Variants in ZNF614 observed in about 807,000 individuals in gnomAD.
ZNF614 encodes zinc finger protein 614.
ZNF614 carries 11 observed loss-of-function variants against 12.8 expected under a neutral mutation model. That is an observed-to-expected ratio of 0.86 (90% CI 0.54 to 1.43). The LOEUF is 1.43. ZNF614 is among the 40% of genes most tolerant of loss of function. ZNF614 has a pLI of 0.00. For missense variants in ZNF614, 664 were observed against 708.8 expected, an observed-to-expected ratio of 0.94 and a Z score of 0.72; for synonymous variants, 237 against 237.5, an observed-to-expected ratio of 1.00 and a Z score of 0.02.
intron 2 of ZNF614, among the ~76,000 whole-genome samples, chr19:52,020,356 T>C (rs1231512981): frequency 6.6e-6 from 1 of 152,208 alleles, no homozygotes; most frequent in Non-Finnish European, 1.5e-5. Context: ...AGCACTTTAC[T>C]ATTGCAAAAT....
At chr19:52,019,630 A>G (rs1451707970) in intron 2 of ZNF614, among the ~76,000 whole-genome samples, 1 of 152,264 alleles carries the variant, frequency 6.6e-6, no homozygotes, top group Non-Finnish European at 1.5e-5. Flanking sequence ...TTTCAATAAT[A>G]GAATCCAGAA....
In ZNF614 at chr19:52,015,881, T is replaced by C. The variant is rs1274041832; in HGVS notation, c.1717A>G (p.Asn573Asp). The C allele has an allele frequency of 6.2e-7, 1 of 1,613,870 alleles. No homozygotes were observed. Among genetic ancestry groups the C allele is most frequent in the Non-Finnish European group, 8.5e-7 (1 of 1,179,912 alleles). ...AGCTGTGACTCTCCATTACAGGAGT[T>C]TTCAACTTGACTGATTCTACCCATT... ...REMGRISQVE[N>D]SCNGESQLLP... The change falls in exon 5 of 5, where the codon AAC becomes GAC. Residue 573 changes from asparagine (N) to aspartate (D), a missense_variant. Physicochemically the swap from Asn to Asp is conservative, Grantham distance 23. Transcript: ENST00000270649.
chr19:52,022,591 A>C (rs2086939109), intron 2 of ZNF614, among the ~76,000 whole-genome samples: 1 of 150,452 alleles, frequency 6.6e-6, no homozygotes, highest in African/African-American at 2.4e-5. Flanking sequence ...GAGAATATAT[A>C]ATTTAAAAAA....
chr19:52,026,850 C>T (rs909372759), intron 1 of ZNF614, among the ~76,000 whole-genome samples: 9 of 152,180 alleles, frequency 5.9e-5, no homozygotes, highest in Non-Finnish European at 1.0e-4. Flanking sequence ...TGTTTGTGTG[C>T]GTGCACATCA....
At chr19:52,026,829 T>C (rs56091488) in intron 1 of ZNF614, among the ~76,000 whole-genome samples, 7,233 of 152,302 alleles carry the variant, frequency 0.047, 254 homozygotes, top group African/African-American at 0.095. Flanking sequence ...CTGCTCTTTA[T>C]TGTACCGAAA....
At position 52,015,174 on chromosome 19, in the gene ZNF614, C is replaced by T. The variant is rs565069148; in HGVS notation, c.*666G>A. ...AAAGCACTCAAATATTCATCATTTT[C>T]ACCACATTTCATGCCTTCATGAGCT... On this transcript the variant is annotated 3_prime_UTR_variant, in exon 5 of 5. Transcript: ENST00000270649. The T allele has an allele frequency of 1.0e-5, 1 of 98,698 alleles. No individual in the cohort carries two copies. The highest frequency in any genetic ancestry group is 3.3e-5 in the African/African-American group (1 of 30,032). The allele number at this position is 98,698 out of a possible 1,614,324, so 6.1% of individuals were successfully genotyped here. A position where few individuals can be genotyped will look rare whatever the true frequency, so the allele number is the denominator to read the frequency against.
chr19:52,022,231 G>A (rs769274654), intron 2 of ZNF614, among the ~76,000 whole-genome samples: 38 of 152,222 alleles, frequency 2.5e-4, no homozygotes, highest in Non-Finnish European at 4.7e-4. Flanking sequence ...CACTATCTTT[G>A]TCAGAATCCA....
At chr19:52,026,859 C>T (rs757431344) in intron 1 of ZNF614, among the ~76,000 whole-genome samples, 1 of 152,184 alleles carries the variant, frequency 6.6e-6, no homozygotes, top group Non-Finnish European at 1.5e-5. Flanking sequence ...GCGTGCACAT[C>T]AAGGCACAGC....
intron 2 of ZNF614, among the ~76,000 whole-genome samples, chr19:52,022,908 A>C (rs1047127776): frequency 4.0e-5 from 6 of 151,758 alleles, no homozygotes; most frequent in African/African-American, 1.5e-4. Flanking sequence ...ACAAACCTGA[A>C]GCTTGTTCAA....
chr19:52,022,714 A>G (rs1182124727), intron 2 of ZNF614, among the ~76,000 whole-genome samples: 1 of 152,128 alleles, frequency 6.6e-6, no homozygotes, highest in African/African-American at 2.4e-5. Context: ...CTCAGGTTTG[A>G]TAATTTACTA....
intron 2 of ZNF614, among the ~76,000 whole-genome samples, chr19:52,023,619 A>T (rs1222980585): frequency 6.6e-6 from 1 of 152,170 alleles, no homozygotes; most frequent in East Asian, 1.9e-4. Flanking sequence ...CCTTATGAAT[A>T]ACAAAAGACA....
At chr19:52,022,428 C>T (rs1399541199) in intron 2 of ZNF614, among the ~76,000 whole-genome samples, 1 of 152,126 alleles carries the variant, frequency 6.6e-6, no homozygotes, top group East Asian at 1.9e-4. Context: ...TCTGCCTGGC[C>T]CCCGCAACGT....
Position 52,016,123 on chromosome 19 carries a change from T to G in ZNF614, c.1475A>C (p.Tyr492Ser). ...PFVCTECGKS[Y>S]SHKYGLITHQ... ...GGTAATGAGGCCATATTTGTGTGAA[T>G]AGGATTTTCCGCACTCGGTACATAC... is the stretch of plus-strand genomic sequence containing the variant. The change falls in exon 5 of 5, where the codon TAT (tyrosine) becomes TCT (serine). Residue 492 changes from tyrosine (Y) to serine (S), a missense_variant. Tyr to Ser is a moderately radical substitution (Grantham distance 144). Transcript: ENST00000270649. The G allele has an allele frequency of 6.2e-7, 1 of 1,614,092 alleles. No homozygotes were observed. Among genetic ancestry groups the G allele is most frequent in the African/African-American group, 1.3e-5 (1 of 75,004 alleles).
intron 2 of ZNF614, 34 bp downstream of exon 2, chr19:52,025,697 T>C (rs2086966458): frequency 6.2e-7 from 1 of 1,613,092 alleles, no homozygotes; most frequent in Non-Finnish European, 8.5e-7. Flanking sequence ...CAGGCCACCA[T>C]AAATCTATCA....
At chr19:52,026,410 A>G (rs2123130335) in intron 1 of ZNF614, among the ~76,000 whole-genome samples, 2 of 152,312 alleles carry the variant, frequency 1.3e-5, no homozygotes, top group South Asian at 2.1e-4. Context: ...GCTGTGCAGG[A>G]TGTGCTTTGT....
At chr19:52,021,403 T>C (rs1174855757) in intron 2 of ZNF614, among the ~76,000 whole-genome samples, 1 of 152,106 alleles carries the variant, frequency 6.6e-6, no homozygotes, top group Non-Finnish European at 1.5e-5. Context: ...TCACTACCTT[T>C]TGGAGTAATT....
intron 3 of ZNF614, 76 bp from the exon 4 acceptor site, chr19:52,018,179 G>A (rs1229785256): frequency 8.2e-6 from 12 of 1,470,576 alleles, no homozygotes; most frequent in South Asian, 8.0e-5. Context: ...TAATACATTC[G>A]ATGAAGAAAA....
At chr19:52,022,956 T>A (rs914770535) in intron 2 of ZNF614, among the ~76,000 whole-genome samples, 1 of 151,376 alleles carries the variant, frequency 6.6e-6, no homozygotes, top group Non-Finnish European at 1.5e-5. Flanking sequence ...GGTGGGTGCC[T>A]GTAGTCCCAG....
chr19:52,025,274 A>G (rs2086963613), intron 2 of ZNF614, among the ~76,000 whole-genome samples: 3 of 152,138 alleles, frequency 2.0e-5, no homozygotes. Context: ...GTAATGGTCA[A>G]AAGTTGAACT....
Sources: allele counts gnomAD v4.1 joint callset (sites outside exome capture counted in the v4.1 genomes callset), GRCh38; gene constraint gnomAD v4.1.1; transcripts MANE v1.5; gene names NCBI Gene and HGNC (gene_info 2026-07-23, HGNC 2026-07-21).